The following CCPG1 variants were observed in gnomAD, a reference collection of about 807,000 sequenced individuals.
CCPG1 encodes cell cycle progression protein 1.
CCPG1 carries 46 observed loss-of-function variants against 81.3 expected under a neutral mutation model. That is an observed-to-expected ratio of 0.57 (90% CI 0.45 to 0.72). The LOEUF (loss-of-function observed/expected upper bound fraction) is 0.72. CCPG1 is among the 30% of genes least tolerant of loss of function. The pLI, the probability that CCPG1 is intolerant of heterozygous loss-of-function variation, is 0.00. For missense variants in CCPG1, 902 were observed against 937.6 expected (o/e 0.96, Z 0.50); for synonymous variants, 330 against 305.2 (o/e 1.08, Z -0.85).
chr15:55,391,889 G>GC lies in CCPG1; in HGVS notation c.-9-2457_-9-2456insG, dbSNP rs1329634091. Among the ~76,000 whole-genome samples the GC allele has an allele frequency of 1.3e-4, 14 of 109,034 alleles. 1 individual carries two copies. The highest frequency in any genetic ancestry group is 5.2e-4 in the East Asian group (2 of 3,816). 71.5% of individuals were successfully genotyped at this position (109,034 alleles called of 152,430 possible). A position where few individuals can be genotyped will look rare whatever the true frequency, so the allele number is the denominator to read the frequency against. ...TGACTCTTTAAAAAAAAAAAAAAAG[G>GC]GGGGGGGGGGCTAGGTGTGGTAGCT... is the stretch of plus-strand genomic sequence containing the variant. On this transcript the variant is annotated intron_variant, in intron 1 of 8. Coordinates refer to ENST00000442196, the MANE Select transcript of CCPG1 (RefSeq NM_001204450.2).
chr15:55,374,913 C>T lies in CCPG1; in HGVS notation c.454+2036G>A, dbSNP rs544813806. Reference sequence around the variant, plus strand: ...CTCCTTACCTCAGGTAATCTGCCTGCCTCAGTCTCCCAAAGTGCAGGGATT... The same window carrying T: ...CTCCTTACCTCAGGTAATCTGCCTGTCTCAGTCTCCCAAAGTGCAGGGATT... On this transcript the variant is annotated intron_variant, in intron 5 of 8. Transcript: ENST00000442196. Among the ~76,000 whole-genome samples, 11 of 152,334 alleles carry T rather than the reference C, an allele frequency of 7.2e-5. No homozygotes were observed. In the South Asian group the frequency reaches 2.3e-3, roughly 32 times the overall value.
chr15:55,388,631 G>A (rs144583667), intron 2 of CCPG1, among the ~76,000 whole-genome samples: 2 of 152,120 alleles, frequency 1.3e-5, no homozygotes, highest in Non-Finnish European at 2.9e-5. Context: ...AGGGTATGGT[G>A]GCATATGCCT....
chr15:55,382,710 C>G (rs2056725739), intron 3 of CCPG1, among the ~76,000 whole-genome samples: 1 of 152,094 alleles, frequency 6.6e-6, no homozygotes, highest in Non-Finnish European at 1.5e-5. Context: ...GGGATTTCAC[C>G]GTGTGAGCCA....
intron 1 of CCPG1, among the ~76,000 whole-genome samples, chr15:55,395,926 C>T (rs2057007963): frequency 6.6e-6 from 1 of 152,080 alleles, no homozygotes; most frequent in East Asian, 1.9e-4. Context: ...GAGGCCAAGG[C>T]AGGCAGATCA....
At chr15:55,361,080 A>G (rs1311889325) in intron 7 of CCPG1, 136 bp from the exon 8 acceptor site, 2 of 933,178 alleles carry the variant, frequency 2.1e-6, no homozygotes, top group African/African-American at 1.7e-5. Flanking sequence ...AGTATTTTCA[A>G]TAGTATAAAC....
intron 2 of CCPG1, among the ~76,000 whole-genome samples, chr15:55,389,026 G>A (rs975148586): frequency 4.0e-5 from 5 of 125,136 alleles, no homozygotes; most frequent in East Asian, 4.6e-4. Flanking sequence ...CTGAGATCAC[G>A]CCACTGCACT....
At chr15:55,394,023 C>A (rs2056971943) in intron 1 of CCPG1, among the ~76,000 whole-genome samples, 1 of 152,112 alleles carries the variant, frequency 6.6e-6, no homozygotes, top group African/African-American at 2.4e-5. Context: ...TTGTCCAGTT[C>A]TTTGTTCAAG....
At chr15:55,372,816 A>AT in intron 5 of CCPG1, 1 of 387,158 alleles carries the variant, frequency 2.6e-6, no homozygotes, top group East Asian at 6.9e-5. Flanking sequence ...CCTGTGACTT[A>AT]TAAAGTAAAA....
At chr15:55,399,823 T>C (rs1206666641) in intron 1 of CCPG1, 3 of 152,002 alleles carry the variant, frequency 2.0e-5, no homozygotes, top group Admixed American at 6.6e-5. Context: ...GCCGGGCCCG[T>C]TGGCTCACGT....
chr15:55,408,140 A>G (rs1157954414), intron 1 of CCPG1, 81 bp downstream of exon 1: 2 of 152,490 alleles, frequency 1.3e-5, no homozygotes, highest in Admixed American at 6.5e-5. Flanking sequence ...CTGCTCCTCT[A>G]CTGAGCCGAG....
chr15:55,386,959 C>T (rs984863374), intron 2 of CCPG1, among the ~76,000 whole-genome samples: 1 of 151,612 alleles, frequency 6.6e-6, no homozygotes, highest in African/African-American at 2.4e-5. Flanking sequence ...ATTCGGAATG[C>T]AAGACTCCGA....
In CCPG1 at chr15:55,356,043, G is replaced by A. The variant is rs1345505527; in HGVS notation, c.*177C>T. On this transcript the variant is annotated 3_prime_UTR_variant, in exon 9 of 9. Coordinates refer to ENST00000442196, the MANE Select transcript of CCPG1 (RefSeq NM_001204450.2). ...CAACGAAGCTAAACTACAGGAAAATGCAGGTTAGTAGACTTTTAACTAATG... is the reference window on the plus strand; with the variant it reads ...CAACGAAGCTAAACTACAGGAAAATACAGGTTAGTAGACTTTTAACTAATG... 7 of 549,238 alleles carry A rather than the reference G, an allele frequency of 1.3e-5. No homozygotes were observed. Among genetic ancestry groups the A allele is most frequent in the Admixed American group, 3.9e-5 (1 of 25,504 alleles). The allele number at this position is 549,238 out of a possible 1,614,324, so 34.0% of individuals were successfully genotyped here. A position where few individuals can be genotyped will look rare whatever the true frequency, so the allele number is the denominator to read the frequency against.
intron 7 of CCPG1, 127 bp downstream of exon 7, chr15:55,365,060 CG>C (rs2056294101): frequency 3.3e-6 from 2 of 608,096 alleles, no homozygotes; most frequent in South Asian, 4.6e-5. Context: ...ACTAAATACC[CG>C]TACTCAATTC....
At chr15:55,377,320 G>C (rs1158320725) in intron 4 of CCPG1, among the ~76,000 whole-genome samples, 170 bp from the exon 5 acceptor site, 1 of 152,140 alleles carries the variant, frequency 6.6e-6, no homozygotes, top group Non-Finnish European at 1.5e-5. Context: ...TATAGCTTGA[G>C]AACACCATCA....
chr15:55,372,574 A>T, intron 5 of CCPG1: 1 of 195,892 alleles, frequency 5.1e-6, no homozygotes, highest in South Asian at 9.2e-5. Flanking sequence ...CAGGAGAATC[A>T]CTTGAACCTG....
Position 55,359,576 on chromosome 15 carries a change from A to C in CCPG1, c.2197T>G (p.Phe733Val), listed in dbSNP as rs1403715345. The stretch of plus-strand genomic sequence containing the variant: ...GGAGGGGAAAAAGTGTGACCAAAGA[A>C]GTGTCTATATATATATTCATCCAAC... ...EKLDEYIYRHFFGHTFSPPYG... is the reference protein window; with the variant it reads ...EKLDEYIYRHVFGHTFSPPYG... The change falls in exon 8 of 9, where the codon TTC (phenylalanine) becomes GTC (valine). Residue 733 changes from phenylalanine to valine, a missense_variant. Coordinates refer to ENST00000442196, the MANE Select transcript of CCPG1 (RefSeq NM_001204450.2). The C allele has an allele frequency of 6.2e-7, 1 of 1,611,688 alleles. No individual in the cohort carries two copies. The highest frequency in any genetic ancestry group is 8.5e-7 in the Non-Finnish European group (1 of 1,179,348).
chr15:55,386,675 ACGAGGTCAGGAGAT>A (rs2056805605), intron 2 of CCPG1, among the ~76,000 whole-genome samples: 1 of 152,100 alleles, frequency 6.6e-6, no homozygotes, highest in African/African-American at 2.4e-5. Flanking sequence ...CGGGCGGATC[ACGAGGTCAGGAGAT>A]CGAGACCATC....
At chr15:55,386,661 G>C (rs1478705136) in intron 2 of CCPG1, among the ~76,000 whole-genome samples, 1 of 152,154 alleles carries the variant, frequency 6.6e-6, no homozygotes, top group African/African-American at 2.4e-5. Flanking sequence ...TTGGGAGCCT[G>C]AGGCGGGCGG....
At chr15:55,400,707 C>T (rs995166105) in intron 1 of CCPG1, among the ~76,000 whole-genome samples, 5 of 152,176 alleles carry the variant, frequency 3.3e-5, no homozygotes, top group African/African-American at 7.2e-5. Flanking sequence ...CTTTAATTTC[C>T]GCTCATCTCA....
Sources: allele counts gnomAD v4.1 joint callset (sites outside exome capture counted in the v4.1 genomes callset), GRCh38; gene constraint gnomAD v4.1.1; transcripts MANE v1.5; gene names NCBI Gene and HGNC (gene_info 2026-07-23, HGNC 2026-07-21).